MYO3B: variants seen among roughly 807,000 people sequenced by gnomAD.
MYO3B encodes the protein myosin IIIB, also known as myosin-IIIb.
A neutral mutation model predicts 174.6 loss-of-function variants in MYO3B; 156 were observed. The ratio of observed to expected loss-of-function variants is 0.89; its 90% CI spans 0.78 to 1.02. MYO3B has a LOEUF of 1.02. Ranked by LOEUF, MYO3B falls within the 50% of genes least tolerant of loss-of-function variation. The pLI, the probability that MYO3B is intolerant of heterozygous loss-of-function variation, is 0.00. For missense variants in MYO3B, 1,632 were observed against 1,639.4 expected, an observed-to-expected ratio of 1.00 and a Z score of 0.08; for synonymous variants, 563 against 569.1, an observed-to-expected ratio of 0.99 and a Z score of 0.15.
At chr2:170,389,608 T>C (rs2094398497) in intron 14 of MYO3B, among the ~76,000 whole-genome samples, 1 of 152,120 alleles carries the variant, frequency 6.6e-6, no homozygotes, top group Non-Finnish European at 1.5e-5. Flanking sequence ...GAGAACTAGA[T>C]GGATCTGTAG....
At chr2:170,507,294 G>GA (rs1280090366) in intron 28 of MYO3B, among the ~76,000 whole-genome samples, 1 of 152,108 alleles carries the variant, frequency 6.6e-6, no homozygotes, top group Non-Finnish European at 1.5e-5. Context: ...CACAAGACAG[G>GA]ATGCCCTTCA....
At chr2:170,207,409 G>C (rs765643502) in intron 3 of MYO3B, among the ~76,000 whole-genome samples, 4 of 152,130 alleles carry the variant, frequency 2.6e-5, no homozygotes, top group Non-Finnish European at 4.4e-5. Flanking sequence ...ATGGGGGCAG[G>C]GGGTGGGGAT....
chr2:170,456,401 A>T (rs1278008304), intron 23 of MYO3B, among the ~76,000 whole-genome samples: 1 of 152,176 alleles, frequency 6.6e-6, no homozygotes, highest in Non-Finnish European at 1.5e-5. Flanking sequence ...AGGCAGATAA[A>T]TGAATTTCAG....
At chr2:170,446,968 C>CT (rs1487089388) in intron 23 of MYO3B, among the ~76,000 whole-genome samples, 1 of 152,160 alleles carries the variant, frequency 6.6e-6, no homozygotes, top group Non-Finnish European at 1.5e-5. Context: ...TTAGCAAGGA[C>CT]TGTTTGCTCA....
At chr2:170,341,788 G>C (rs1255748314) in intron 8 of MYO3B, among the ~76,000 whole-genome samples, 2 of 152,124 alleles carry the variant, frequency 1.3e-5, no homozygotes, top group South Asian at 4.1e-4. Flanking sequence ...ATAAAGCTAT[G>C]TGTGAACTTC....
In MYO3B at chr2:170,372,531, C is replaced by G. The variant is rs539227210; in HGVS notation, c.971+3154C>G. ...ATATCTAATTTATTCATTCAAGAGG[C>G]ATTTATACATGTGTATGTGTCAGGC... On this transcript the variant is annotated intron_variant, in intron 9 of 34. Coordinates refer to ENST00000408978, the MANE Select transcript of MYO3B (RefSeq NM_138995.5). Among the ~76,000 whole-genome samples, 8 of 152,242 alleles carry G rather than the reference C, an allele frequency of 5.3e-5. No homozygotes were observed. The East Asian group carries it at 1.5e-3, about 29-fold the overall frequency.
At chr2:170,190,167 G>A (rs2092521993) in intron 1 of MYO3B, among the ~76,000 whole-genome samples, 1 of 152,194 alleles carries the variant, frequency 6.6e-6, no homozygotes, top group Admixed American at 6.5e-5. Flanking sequence ...AGAGATTCCT[G>A]TTCTCTTTCC....
intron 6 of MYO3B, among the ~76,000 whole-genome samples, chr2:170,226,627 G>A (rs548924200): frequency 5.2e-4 from 79 of 152,302 alleles, no homozygotes; most frequent in African/African-American, 1.7e-3. Flanking sequence ...GAGGCGGGGG[G>A]CTGATTCTGG....
At chr2:170,218,947 A>C (rs563563729) in intron 6 of MYO3B, among the ~76,000 whole-genome samples, 2 of 152,344 alleles carry the variant, frequency 1.3e-5, no homozygotes, top group African/African-American at 4.8e-5. Context: ...GCCCCTATCT[A>C]TCCAGCCTTG....
At chr2:170,503,023 C>A (rs979175074) in intron 28 of MYO3B, among the ~76,000 whole-genome samples, 9 of 152,196 alleles carry the variant, frequency 5.9e-5, no homozygotes, top group Non-Finnish European at 1.2e-4. Context: ...GGATGCAATT[C>A]TTGTTACAGC....
intron 8 of MYO3B, among the ~76,000 whole-genome samples, chr2:170,340,944 C>T (rs760588129): frequency 6.6e-5 from 10 of 152,160 alleles, no homozygotes; most frequent in African/African-American, 1.4e-4. Context: ...TCTCATTTCT[C>T]GGAGTGAGCA....
At chr2:170,499,580 G>A in intron 26 of MYO3B, 66 bp from the exon 27 acceptor site, 2 of 1,385,260 alleles carry the variant, frequency 1.4e-6, no homozygotes, top group Non-Finnish European at 2.0e-6. Flanking sequence ...TTTAGAATAT[G>A]CTGTAGTAGA....
chr2:170,647,780 C>A (rs1698491142), intron 32 of MYO3B, among the ~76,000 whole-genome samples: 1 of 152,100 alleles, frequency 6.6e-6, no homozygotes, highest in Admixed American at 6.6e-5. Flanking sequence ...AATGAAACAG[C>A]AAGTTCGTCA....
rs1459510866 is a variant in MYO3B, at chr2:170,651,693, C to T, written c.3799C>T (p.Leu1267=). The T allele has an allele frequency of 4.3e-5, 69 of 1,613,962 alleles. No homozygotes were observed. Among genetic ancestry groups the T allele is most frequent in the Non-Finnish European group, 5.5e-5 (65 of 1,180,020 alleles). Residue 1267 remains leucine, a synonymous_variant, in exon 33 of 35, where the codon CTG becomes TTG. Coordinates refer to ENST00000408978, the MANE Select transcript of MYO3B (RefSeq NM_138995.5). The part of the protein sequence containing the change: ...PRRRCQQPKM[L]SSPEDTMYYN... ...CCGACGATGTCAGCAGCCCAAAATG[C>T]TGAGTAGCCCTGAGGACACCATGTA...
At chr2:170,558,044 G>A (rs1468174830) in intron 32 of MYO3B, among the ~76,000 whole-genome samples, 1 of 152,090 alleles carries the variant, frequency 6.6e-6, no homozygotes, top group Non-Finnish European at 1.5e-5. Context: ...GCTCATGCCT[G>A]TAATCCCAAC....
chr2:170,406,204 C>CA (rs955736041), intron 21 of MYO3B, among the ~76,000 whole-genome samples: 28 of 152,314 alleles, frequency 1.8e-4, no homozygotes, highest in African/African-American at 6.3e-4. Context: ...TTCCCTATCC[C>CA]ATAACCACAA....
At chr2:170,482,280 G>C (rs906258176) in intron 25 of MYO3B, among the ~76,000 whole-genome samples, 3 of 151,824 alleles carry the variant, frequency 2.0e-5, no homozygotes, top group African/African-American at 7.3e-5. Flanking sequence ...TCAGCCTCTC[G>C]AGTAGCTGGG....
intron 32 of MYO3B, among the ~76,000 whole-genome samples, chr2:170,565,522 A>G (rs2106264006): frequency 6.6e-6 from 1 of 152,222 alleles, no homozygotes; most frequent in Admixed American, 6.5e-5. Context: ...TAAGGGAGAA[A>G]TTGGTTTTGT....
intron 23 of MYO3B, among the ~76,000 whole-genome samples, chr2:170,449,138 C>G (rs1021832535): frequency 4.6e-5 from 7 of 152,172 alleles, no homozygotes; most frequent in African/African-American, 1.7e-4. Flanking sequence ...AAGTGACATT[C>G]TTTATTTACT....
Sources: gnomAD v4.1 joint callset for allele counts (sites outside exome capture counted in the v4.1 genomes callset) on GRCh38, gnomAD v4.1.1 for gene constraint, MANE v1.5 for transcripts, NCBI Gene and HGNC (gene_info 2026-07-23, HGNC 2026-07-21) for gene names.